Variants in PDZRN3 observed in about 807,000 individuals in gnomAD.
PDZRN3 encodes the protein E3 ubiquitin-protein ligase PDZRN3.
PDZRN3 carries 38 observed loss-of-function variants against 85.7 expected under a neutral mutation model. The observed-to-expected ratio is 0.44, with a 90% confidence interval of 0.34 to 0.58. The LOEUF is 0.58. Among genes scored for constraint, PDZRN3 ranks in the 20% least tolerant of loss-of-function variants. The pLI is 0.01. For synonymous variants in PDZRN3, 759 were observed against 638.0 expected, an observed-to-expected ratio of 1.19 and a Z score of -2.86; for missense variants, 1,629 against 1,506.4, an observed-to-expected ratio of 1.08 and a Z score of -1.35.
At position 73,580,570 on chromosome 3, in the gene PDZRN3, T is replaced by C. The variant is rs538595126; in HGVS notation, c.918+21784A>G. 9.8e-5 allele frequency among the ~76,000 whole-genome samples: 15 copies of C among 152,320 alleles called. No homozygotes were observed. The East Asian group carries it at 2.3e-3, about 24-fold the overall frequency. ...GATCCTGTGATGTCACCAGGCACTA[T>C]AGGCACTATTTCCTACAGATGGGAA... On this transcript the variant is annotated intron_variant, in intron 3 of 9. Transcript: ENST00000263666.
In PDZRN3 at chr3:73,603,636, C is replaced by T. The variant is rs563968881; in HGVS notation, c.811-1175G>A. ...AGAAGATTTATTTCAATAACAATTA[C>T]TCTGAATACAAATACATAAAAATTC... On this transcript the variant is annotated intron_variant, in intron 2 of 9. Transcript: ENST00000263666. 1.6e-4 allele frequency among the ~76,000 whole-genome samples: 24 copies of T among 152,250 alleles called. No homozygotes were observed. In the East Asian group the frequency reaches 4.6e-3, roughly 29 times the overall value.
chr3:73,471,672 C>T (rs890207891), intron 3 of PDZRN3, among the ~76,000 whole-genome samples: 6 of 152,170 alleles, frequency 3.9e-5, no homozygotes, highest in African/African-American at 1.4e-4. Flanking sequence ...GCTGGGACTC[C>T]CTTGCTGTCT....
intron 3 of PDZRN3, among the ~76,000 whole-genome samples, chr3:73,479,422 T>C (rs1030472666): frequency 4.0e-5 from 6 of 151,594 alleles, no homozygotes; most frequent in Non-Finnish European, 8.8e-5. Context: ...CTTTTCACTG[T>C]TATTTCATTG....
intron 3 of PDZRN3, among the ~76,000 whole-genome samples, chr3:73,445,275 A>G (rs965389292): frequency 2.6e-5 from 4 of 152,174 alleles, no homozygotes; most frequent in Admixed American, 6.5e-5. Context: ...GTCCTTTCCA[A>G]CAGCCGGTAA....
chr3:73,465,745 A>G (rs755244851), intron 3 of PDZRN3, among the ~76,000 whole-genome samples: 1 of 152,246 alleles, frequency 6.6e-6, no homozygotes, highest in African/African-American at 2.4e-5. Flanking sequence ...GTCAGCCTAA[A>G]AAAATTTATT....
intron 3 of PDZRN3, among the ~76,000 whole-genome samples, chr3:73,418,039 T>C (rs1428936988): frequency 6.6e-6 from 1 of 152,198 alleles, no homozygotes; most frequent in African/African-American, 2.4e-5. Context: ...GATTTATAAA[T>C]GTGATTTACA....
At chr3:73,429,817 T>C (rs976241488) in intron 3 of PDZRN3, among the ~76,000 whole-genome samples, 1 of 152,226 alleles carries the variant, frequency 6.6e-6, no homozygotes, top group African/African-American at 2.4e-5. Context: ...GGTTGCCTGA[T>C]AAGCCAGTGG....
intron 5 of PDZRN3, among the ~76,000 whole-genome samples, chr3:73,399,283 C>T (rs540089718): frequency 1.2e-4 from 19 of 152,272 alleles, no homozygotes; most frequent in South Asian, 4.2e-4. Context: ...AAAGCAGTGT[C>T]GTCCCATAAA....
chr3:73,545,274 G>GAA (rs1701396769), intron 3 of PDZRN3, among the ~76,000 whole-genome samples: 5 of 152,178 alleles, frequency 3.3e-5, no homozygotes, highest in Non-Finnish European at 7.3e-5. Context: ...CTCCATAGGT[G>GAA]ATAATAACAG....
At position 73,409,383 on chromosome 3, in the gene PDZRN3, C is replaced by T. The variant is rs142954822; in HGVS notation, c.919-4988G>A. ...TTCCAGTTGGTCCTGAGAACTAACA[C>T]AAAGCTGGCGAGCTTTCCATTTGGG... is the stretch of plus-strand genomic sequence containing the variant. On this transcript the variant is annotated intron_variant, in intron 3 of 9. Transcript: ENST00000263666. Among the ~76,000 whole-genome samples, 520 of 152,298 alleles carry T rather than the reference C, an allele frequency of 3.4e-3. 5 individuals are homozygous for T. Among genetic ancestry groups the T allele is most frequent in the African/African-American group, 0.012 (499 of 41,566 alleles).
intron 3 of PDZRN3, among the ~76,000 whole-genome samples, chr3:73,485,487 T>C (rs558463339): frequency 2.6e-5 from 4 of 152,272 alleles, no homozygotes. Context: ...TTCTTCGTGG[T>C]TGAAGTAGTT....
At chr3:73,443,505 G>T (rs1423359632) in intron 3 of PDZRN3, among the ~76,000 whole-genome samples, 5 of 143,100 alleles carry the variant, frequency 3.5e-5, no homozygotes, top group African/African-American at 8.5e-5. Flanking sequence ...TTTTGGGGGG[G>T]GGACAGCGCT....
chr3:73,529,242 C>T (rs1382729990), intron 3 of PDZRN3, among the ~76,000 whole-genome samples: 7 of 152,226 alleles, frequency 4.6e-5, no homozygotes, highest in Admixed American at 1.3e-4. Context: ...GGTCTAGCTT[C>T]TTGTTTAGTA....
At chr3:73,408,929 A>T (rs747631306) in intron 3 of PDZRN3, among the ~76,000 whole-genome samples, 39 of 152,134 alleles carry the variant, frequency 2.6e-4, no homozygotes, top group Non-Finnish European at 4.9e-4. Flanking sequence ...CTGTGATTAT[A>T]GACGGGATGC....
chr3:73,530,803 C>T (rs988851093), intron 3 of PDZRN3, among the ~76,000 whole-genome samples: 5 of 152,214 alleles, frequency 3.3e-5, no homozygotes, highest in African/African-American at 1.2e-4. Flanking sequence ...GTCATTAATT[C>T]GTTCAATGGA....
chr3:73,623,976 G>C (rs1167120117), intron 1 of PDZRN3, 127 bp downstream of exon 1: 1 of 943,016 alleles, frequency 1.1e-6, no homozygotes, highest in Admixed American at 4.1e-5. Flanking sequence ...GTAAGCAGTG[G>C]AAGAAGAGGG....
At chr3:73,490,090 C>A (rs1236764894) in intron 3 of PDZRN3, among the ~76,000 whole-genome samples, 1 of 152,192 alleles carries the variant, frequency 6.6e-6, no homozygotes, top group Non-Finnish European at 1.5e-5. Flanking sequence ...ACGATCTGCT[C>A]TGCAGAAACT....
intron 3 of PDZRN3, among the ~76,000 whole-genome samples, chr3:73,477,972 G>A (rs574883175): frequency 6.6e-6 from 1 of 152,222 alleles, no homozygotes; most frequent in Admixed American, 6.5e-5. Flanking sequence ...GGGAAAACCT[G>A]CCCCCATGAT....
chr3:73,571,801 G>A (rs1230297375), intron 3 of PDZRN3, among the ~76,000 whole-genome samples: 1 of 152,200 alleles, frequency 6.6e-6, no homozygotes, highest in African/African-American at 2.4e-5. Context: ...AAGAGCAGAA[G>A]TGGCAGTGAG....
Sources: allele counts gnomAD v4.1 joint callset (sites outside exome capture counted in the v4.1 genomes callset), GRCh38; gene constraint gnomAD v4.1.1; transcripts MANE v1.5; gene names NCBI Gene and HGNC (gene_info 2026-07-23, HGNC 2026-07-21).